Variants in FRMPD4 observed in about 807,000 individuals in gnomAD.
FRMPD4 encodes FERM and PDZ domain containing 4.
In FRMPD4, 22 loss-of-function variants were observed where a neutral mutation model predicts 94.1. The observed-to-expected ratio is 0.23, with a 90% confidence interval of 0.17 to 0.33. The LOEUF is 0.33. Among genes scored for constraint, FRMPD4 ranks in the 10% least tolerant of loss-of-function variants. FRMPD4 has a pLI of 1.00. For missense variants in FRMPD4, 1,111 were observed against 1,339.9 expected (o/e 0.83, Z 2.67); for synonymous variants, 631 against 548.6 (o/e 1.15, Z -2.10).
rs148889684 is a variant in FRMPD4 at position 12,243,790 on chromosome X, C to CTTT, written c.41+104810_41+104812dup. Among the ~76,000 whole-genome samples, 81 of 22,928 alleles carry CTTT rather than the reference C, an allele frequency of 3.5e-3. 7 individuals carry two copies. The highest frequency in any genetic ancestry group is 4.4e-3 in the Non-Finnish European group (63 of 14,395). 19.9% of individuals were successfully genotyped at this position (22,928 alleles called of 115,157 possible). A position where few individuals can be genotyped will look rare whatever the true frequency, so the allele number is the denominator to read the frequency against. On this transcript the variant is annotated intron_variant, in intron 1 of 16. Coordinates refer to ENST00000675598, the MANE Select transcript of FRMPD4 (RefSeq NM_001368397.1). ...CAGAAACAGTTGTCCATCTAAAGGGCTTTTTTTTTTTTTTTTTTTTTTTTT... is the reference window on the plus strand; with the variant it reads ...CAGAAACAGTTGTCCATCTAAAGGGCTTTTTTTTTTTTTTTTTTTTTTTTTTTT...
intron 3 of FRMPD4, among the ~76,000 whole-genome samples, chrX:12,004,868 C>T (rs1250829200): frequency 9.0e-6 from 1 of 110,926 alleles, no homozygotes; most frequent in Non-Finnish European, 1.9e-5. Context: ...CTCTGCTTAA[C>T]TTCTTCCTTG....
At chrX:12,505,803 G>A (rs1042463230) in intron 2 of FRMPD4, among the ~76,000 whole-genome samples, 3 of 109,636 alleles carry the variant, frequency 2.7e-5, no homozygotes, top group Non-Finnish European at 5.7e-5. Context: ...CCATACTGTG[G>A]TCCACCAAAA....
At chrX:12,183,804 A>C (rs1295426886) in intron 1 of FRMPD4, among the ~76,000 whole-genome samples, 1 of 110,742 alleles carries the variant, frequency 9.0e-6, no homozygotes, top group Non-Finnish European at 1.9e-5. Context: ...TGTTCTTTAG[A>C]ATATATAAAT....
Position 12,717,683 on chromosome X carries a change from T to C in FRMPD4, c.2857T>C (p.Phe953Leu). 2 of 1,210,639 alleles carry C rather than the reference T, an allele frequency of 1.7e-6. No individual in the cohort carries two copies. Among genetic ancestry groups the C allele is most frequent in the Non-Finnish European group, 2.2e-6 (2 of 894,656 alleles). The change falls in exon 16 of 17, where the codon TTC (phenylalanine) becomes CTC (leucine). Residue 953 changes from phenylalanine to leucine, a missense_variant. Phe to Leu is a conservative substitution (Grantham distance 22). Coordinates refer to ENST00000675598, the MANE Select transcript of FRMPD4 (RefSeq NM_001368397.1). ...CCCCCTTGCAGAAGAGCAGACCGAG[T>C]TCCCGGCCTCCAAGACCCCCGCTGG... is the stretch of plus-strand genomic sequence containing the variant. ...YHPLAEEQTEFPASKTPAGGL... is the reference protein window; with the variant it reads ...YHPLAEEQTELPASKTPAGGL...
chrX:12,430,817 A>G (rs1362020734), intron 1 of FRMPD4, among the ~76,000 whole-genome samples: 1 of 112,676 alleles, frequency 8.9e-6, no homozygotes, highest in Non-Finnish European at 1.9e-5. Flanking sequence ...ATTTTCTAAC[A>G]TATTTCACAG....
intron 3 of FRMPD4, among the ~76,000 whole-genome samples, chrX:12,059,060 T>C (rs1001251869): frequency 3.6e-5 from 4 of 112,168 alleles, no homozygotes; most frequent in African/African-American, 1.3e-4. Flanking sequence ...AATTGTATTA[T>C]TCAAATATTT....
chrX:12,055,574 C>T lies in FRMPD4; in HGVS notation c.95+177556C>T, dbSNP rs776067358. Reference sequence around the variant, plus strand: ...GTTTCTTGTACAACCTGCAGAACCACGTGCCAATTAAACCTATTTTCTTTA... The same window carrying T: ...GTTTCTTGTACAACCTGCAGAACCATGTGCCAATTAAACCTATTTTCTTTA... On this transcript the variant is annotated intron_variant, in intron 3 of 18. Coordinates refer to the FRMPD4 transcript ENST00000640291. 2.8e-4 allele frequency among the ~76,000 whole-genome samples: 31 copies of T among 111,982 alleles called. No individual in the cohort carries two copies. In the East Asian group the frequency reaches 7.6e-3, roughly 27 times the overall value.
intron 1 of FRMPD4, among the ~76,000 whole-genome samples, chrX:12,259,611 G>C (rs1373249640): frequency 1.8e-5 from 2 of 111,698 alleles, no homozygotes; most frequent in Non-Finnish European, 3.8e-5. Context: ...TTGTTACACA[G>C]TTCTAGGAAA....
rs765685155 is a variant in FRMPD4 at position 12,595,313 on chromosome X, C to T, written c.159-14408C>T. Among the ~76,000 whole-genome samples the T allele has an allele frequency of 9.0e-5, 10 of 111,577 alleles. 1 individual carries two copies. In the South Asian group the frequency reaches 2.3e-3, roughly 25 times the overall value. ...TGTTTTCCCCACGGCTTGTGTGGCC[C>T]AGAAAGTAAGTCACACTAATAAAGG... On this transcript the variant is annotated intron_variant, in intron 2 of 16. Transcript: ENST00000675598.
intron 1 of FRMPD4, among the ~76,000 whole-genome samples, chrX:12,379,316 C>T (rs2056286747): frequency 8.9e-6 from 1 of 112,025 alleles, no homozygotes; most frequent in Admixed American, 9.5e-5. Flanking sequence ...AATCTCTTGT[C>T]CACCTCTTTG....
At chrX:12,153,639 T>A (rs2055894127) in intron 1 of FRMPD4, among the ~76,000 whole-genome samples, 1 of 112,508 alleles carries the variant, frequency 8.9e-6, no homozygotes, top group East Asian at 2.8e-4. Flanking sequence ...TAGGTATATG[T>A]GCTAACATTT....
intron 1 of FRMPD4, among the ~76,000 whole-genome samples, chrX:12,209,181 T>C (rs2056728615): frequency 8.9e-6 from 1 of 112,131 alleles, no homozygotes; most frequent in Non-Finnish European, 1.9e-5. Flanking sequence ...AATCATAAAA[T>C]ATTTTTAAAA....
At chrX:12,264,196 C>T (rs2054239174) in intron 1 of FRMPD4, among the ~76,000 whole-genome samples, 1 of 111,649 alleles carries the variant, frequency 9.0e-6, no homozygotes, top group African/African-American at 3.3e-5. Context: ...TAAAGTAAGC[C>T]AGTTTTCAGT....
intron 2 of FRMPD4, among the ~76,000 whole-genome samples, chrX:12,523,543 C>CT (rs1422570178): frequency 1.8e-5 from 2 of 111,785 alleles, no homozygotes. Flanking sequence ...GGTGTGAAGT[C>CT]TAGAGTGAAG....
chrX:12,516,808 C>G (rs990584801), intron 2 of FRMPD4, among the ~76,000 whole-genome samples: 10 of 110,774 alleles, frequency 9.0e-5, no homozygotes, highest in African/African-American at 2.3e-4. Flanking sequence ...GTTCTGTTCC[C>G]CCTGTCTCTT....
intron 1 of FRMPD4, among the ~76,000 whole-genome samples, chrX:12,182,833 A>G (rs970470594): frequency 1.8e-5 from 2 of 111,505 alleles, no homozygotes; most frequent in African/African-American, 3.3e-5. Context: ...CAAATCTGAC[A>G]CTTTCGTGGA....
At chrX:12,126,530 C>T (rs770404639) in intron 3 of FRMPD4, among the ~76,000 whole-genome samples, 4 of 110,969 alleles carry the variant, frequency 3.6e-5, no homozygotes, top group African/African-American at 1.3e-4. Context: ...GAGAGAGGTC[C>T]CACATCACAG....
At chrX:11,850,073 A>G (rs1034462764) in intron 1 of FRMPD4, among the ~76,000 whole-genome samples, 2 of 112,146 alleles carry the variant, frequency 1.8e-5, no homozygotes, top group Non-Finnish European at 3.8e-5. Flanking sequence ...GAACCTCTAC[A>G]GCTCAACAAC....
rs370016719 is a variant in FRMPD4, at chrX:12,172,958, C to A, written c.41+33946C>A. On this transcript the variant is annotated intron_variant, in intron 1 of 16. Coordinates refer to ENST00000675598, the MANE Select transcript of FRMPD4 (RefSeq NM_001368397.1). The stretch of plus-strand genomic sequence containing the variant: ...AATTATAGTCTCCGCTTTACATTTG[C>A]ATAACTAAATAGTCCATTCAAGCAG... 1.5e-4 allele frequency among the ~76,000 whole-genome samples: 17 copies of A among 112,939 alleles called. No individual in the cohort carries two copies. In the East Asian group the frequency reaches 3.3e-3, roughly 22 times the overall value.
Sources: allele counts gnomAD v4.1 joint callset (sites outside exome capture counted in the v4.1 genomes callset), GRCh38; gene constraint gnomAD v4.1.1; transcripts MANE v1.5; gene names NCBI Gene and HGNC (gene_info 2026-07-23, HGNC 2026-07-21).